The following HMCN1 variants were observed in gnomAD, a reference collection of about 807,000 sequenced individuals.
The protein encoded by HMCN1 is hemicentin-1.
Under a neutral mutation model 625.9 loss-of-function variants are expected in HMCN1, and 321 were observed. The ratio of observed to expected loss-of-function variants is 0.51; its 90% CI spans 0.47 to 0.56. The LOEUF is 0.56. Ranked by LOEUF, HMCN1 falls within the 20% of genes least tolerant of loss-of-function variation. The pLI, the probability that HMCN1 is intolerant of heterozygous loss-of-function variation, is 0.00. For synonymous variants in HMCN1, 2,425 were observed against 2,417.6 expected, an observed-to-expected ratio of 1.00 and a Z score of -0.09; for missense variants, 6,588 against 6,887.3, an observed-to-expected ratio of 0.96 and a Z score of 1.54.
chr1:185,902,957 C>T (rs1188076870), intron 4 of HMCN1, among the ~76,000 whole-genome samples: 2 of 150,250 alleles, frequency 1.3e-5, no homozygotes, highest in African/African-American at 2.4e-5. Flanking sequence ...AAAAAAAAAA[C>T]ATGTGAAACA....
In HMCN1 at chr1:186,088,245, G is replaced by C; in HGVS notation, c.9546G>C (p.Thr3182=). The change falls in exon 62 of 107, where the codon ACG becomes ACC. Residue 3182 remains threonine, a synonymous_variant. Coordinates refer to ENST00000271588, the MANE Select transcript of HMCN1 (RefSeq NM_031935.3). The part of the protein sequence containing the change: ...TCDATGIPPP[T]IAWLKNHKRI... Reference sequence around the variant, plus strand: ...ATGCCACTGGGATCCCACCTCCCACGATAGCATGGTTAAAGAACCACAAGC... The same window carrying C: ...ATGCCACTGGGATCCCACCTCCCACCATAGCATGGTTAAAGAACCACAAGC... 6.2e-7 allele frequency: 1 copy of C among 1,612,784 alleles called. No homozygotes were observed. Among genetic ancestry groups the C allele is most frequent in the Non-Finnish European group, 8.5e-7 (1 of 1,179,226 alleles).
At chr1:185,867,298 A>G (rs1663318768) in intron 4 of HMCN1, among the ~76,000 whole-genome samples, 1 of 152,154 alleles carries the variant, frequency 6.6e-6, no homozygotes, top group African/African-American at 2.4e-5. Context: ...TCAACAGTTG[A>G]TTTGCCTCAA....
chr1:186,038,668 C>T (rs1655996584), intron 37 of HMCN1, among the ~76,000 whole-genome samples, 161 bp from the exon 38 acceptor site: 1 of 151,962 alleles, frequency 6.6e-6, no homozygotes, highest in Non-Finnish European at 1.5e-5. Flanking sequence ...CTAAGGGTTA[C>T]CTTCTCTTAA....
chr1:186,157,057 C>A (rs1651072923), intron 97 of HMCN1, among the ~76,000 whole-genome samples: 2 of 152,050 alleles, frequency 1.3e-5, no homozygotes, highest in Admixed American at 6.6e-5. Context: ...AGAAATGGGA[C>A]CAAGGGAACC....
Position 186,152,733 on chromosome 1 carries a change from T to A in HMCN1, c.14897-17T>A, listed in dbSNP as rs563193799. The A allele has an allele frequency of 3.1e-6, 5 of 1,613,538 alleles. No individual in the cohort carries two copies. Among genetic ancestry groups the A allele is most frequent in the African/African-American group, 1.3e-5 (1 of 75,038 alleles). On this transcript the variant is annotated splice_polypyrimidine_tract_variant and intron_variant, in intron 95 of 106. Coordinates refer to ENST00000271588, the MANE Select transcript of HMCN1 (RefSeq NM_031935.3). ...CATATTTTTTTGCTGTCAAAATGAATGTCTTGTAATTCCCAGGAGAAATCT... is the reference window on the plus strand; with the variant it reads ...CATATTTTTTTGCTGTCAAAATGAAAGTCTTGTAATTCCCAGGAGAAATCT...
rs143543910 is a variant in HMCN1 at position 185,777,566 on chromosome 1, C to T, written c.268+42519C>T. Reference sequence around the variant, plus strand: ...TCCTGGCTTCAAGTGATTCTCCTGCCTCAACCTCCTGAGTAGCTGGGACTA... The same window carrying T: ...TCCTGGCTTCAAGTGATTCTCCTGCTTCAACCTCCTGAGTAGCTGGGACTA... On this transcript the variant is annotated intron_variant, in intron 1 of 106. Transcript: ENST00000271588. 7.9e-3 allele frequency among the ~76,000 whole-genome samples: 1,198 copies of T among 152,244 alleles called. 12 individuals carry two copies. The highest frequency in any genetic ancestry group is 0.028 in the African/African-American group (1,155 of 41,536).
At position 186,069,808 on chromosome 1, in the gene HMCN1, C is replaced by A. The variant is rs375812933; in HGVS notation, c.7993+32C>A. 2.8e-6 allele frequency: 4 copies of A among 1,436,286 alleles called. No homozygotes were observed. In the African/African-American group the frequency reaches 4.2e-5, roughly 15 times the overall value. The allele number at this position is 1,436,286 out of a possible 1,614,324, so 89.0% of individuals were successfully genotyped here. A position where few individuals can be genotyped will look rare whatever the true frequency, so the allele number is the denominator to read the frequency against. On this transcript the variant is annotated intron_variant, in intron 51 of 106. Coordinates refer to ENST00000271588, the MANE Select transcript of HMCN1 (RefSeq NM_031935.3). ...TCTGAAAGAATACTATGTTTCATAG[C>A]TTCCCCAATTTTTCTAACTTTTTCA... is the stretch of plus-strand genomic sequence containing the variant.
At chr1:185,835,567 C>A (rs1661115780) in intron 1 of HMCN1, among the ~76,000 whole-genome samples, 1 of 151,498 alleles carries the variant, frequency 6.6e-6, no homozygotes, top group South Asian at 2.1e-4. Flanking sequence ...ACTTCATTGA[C>A]CTTACAGAGA....
intron 36 of HMCN1, among the ~76,000 whole-genome samples, chr1:186,030,604 T>C (rs1345738587): frequency 6.6e-6 from 1 of 152,036 alleles, no homozygotes; most frequent in Non-Finnish European, 1.5e-5. Context: ...ATAGGCAACA[T>C]ACAGTTGAAT....
chr1:186,016,276 A>C, intron 32 of HMCN1, 37 bp downstream of exon 32: 1 of 1,587,172 alleles, frequency 6.3e-7, no homozygotes, highest in Non-Finnish European at 8.6e-7. Flanking sequence ...TCTCAGATTC[A>C]TAGCAAAACC....
intron 44 of HMCN1, among the ~76,000 whole-genome samples, chr1:186,054,533 G>A (rs891865776): frequency 3.3e-4 from 50 of 151,868 alleles, no homozygotes; most frequent in Non-Finnish European, 5.9e-5. Context: ...TACTGACACT[G>A]GCCTACTTTT....
At position 186,000,087 on chromosome 1, in the gene HMCN1, A is replaced by G. The variant is rs759708543; in HGVS notation, c.3917A>G (p.Glu1306Gly). ...PTIKWLHNGR[E>G]LTGREPGISI... is the part of the protein sequence containing the mutation. ...ATCAAATGGTTACACAATGGTAGAG[A>G]GTTGACAGGCAGAGAGCCTGGCATT... Residue 1306 changes from glutamate (E) to glycine (G), a missense_variant, in exon 26 of 107, where the codon GAG becomes GGG. By Grantham distance (98) the Glu-to-Gly change is moderately conservative (BLOSUM62 -2). Transcript: ENST00000271588. 2 of 1,613,106 alleles carry G rather than the reference A, an allele frequency of 1.2e-6. No individual in the cohort carries two copies. The highest frequency in any genetic ancestry group is 1.7e-6 in the Non-Finnish European group (2 of 1,179,358).
chr1:185,883,706 T>C (rs779956369), intron 4 of HMCN1, among the ~76,000 whole-genome samples: 11 of 151,946 alleles, frequency 7.2e-5, no homozygotes, highest in South Asian at 2.1e-4. Context: ...CCTATGAACA[T>C]TGCTGTATGG....
intron 1 of HMCN1, among the ~76,000 whole-genome samples, chr1:185,830,956 A>G (rs940645216): frequency 6.6e-6 from 1 of 152,182 alleles, no homozygotes; most frequent in African/African-American, 2.4e-5. Context: ...CCCCACTATC[A>G]TCAAAAGCAC....
intron 1 of HMCN1, among the ~76,000 whole-genome samples, chr1:185,788,057 C>A (rs1229633362): frequency 1.3e-5 from 2 of 152,314 alleles, no homozygotes; most frequent in African/African-American, 4.8e-5. Context: ...TTGCTGTCTC[C>A]TGCAGCTCAT....
chr1:185,892,593 G>T (rs549780402), intron 4 of HMCN1, among the ~76,000 whole-genome samples: 260 of 152,242 alleles, frequency 1.7e-3, no homozygotes, highest in African/African-American at 5.9e-3. Context: ...GTGTGCCCCT[G>T]CTGGAGGGTG....
At chr1:185,956,682 C>T (rs1475888165) in intron 11 of HMCN1, among the ~76,000 whole-genome samples, 4 of 152,044 alleles carry the variant, frequency 2.6e-5, no homozygotes, top group African/African-American at 4.8e-5. Flanking sequence ...GATTACATCA[C>T]GGGCCATCAG....
intron 103 of HMCN1, among the ~76,000 whole-genome samples, chr1:186,177,622 T>G (rs1241944919): frequency 1.3e-5 from 2 of 152,148 alleles, no homozygotes; most frequent in Admixed American, 6.6e-5. Flanking sequence ...AAAGACCAAG[T>G]CATTTAAATA....
At chr1:185,798,171 A>G (rs1658533281) in intron 1 of HMCN1, among the ~76,000 whole-genome samples, 1 of 152,108 alleles carries the variant, frequency 6.6e-6, no homozygotes, top group Non-Finnish European at 1.5e-5. Context: ...AGCCTAGTTT[A>G]GCAGAATGCA....
Sources: gnomAD v4.1 joint callset for allele counts (sites outside exome capture counted in the v4.1 genomes callset) on GRCh38, gnomAD v4.1.1 for gene constraint, MANE v1.5 for transcripts, NCBI Gene and HGNC (gene_info 2026-07-23, HGNC 2026-07-21) for gene names.